Variants in RIMS1 observed in about 807,000 individuals in gnomAD.
RIMS1 encodes the protein regulating synaptic membrane exocytosis protein 1.
In RIMS1, 83 loss-of-function variants were observed where a neutral mutation model predicts 214.1. The observed-to-expected ratio is 0.39, with a 90% CI of 0.32 to 0.47. The LOEUF is 0.47. RIMS1 is among the 20% of genes least tolerant of loss of function. The pLI is 0.99. For missense variants in RIMS1, 2,050 were observed against 2,161.8 expected (o/e 0.95, Z 1.03); for synonymous variants, 793 against 786.8 (o/e 1.01, Z -0.13).
At chr6:71,984,386 T>G (rs1799302110) in intron 2 of RIMS1, among the ~76,000 whole-genome samples, 1 of 151,780 alleles carries the variant, frequency 6.6e-6, no homozygotes, top group Admixed American at 6.6e-5. Context: ...GGAGCTACAC[T>G]GTGACAAATA....
chr6:72,021,805 G>T (rs775029772), intron 2 of RIMS1, among the ~76,000 whole-genome samples: 1 of 152,030 alleles, frequency 6.6e-6, no homozygotes, highest in Non-Finnish European at 1.5e-5. Flanking sequence ...AGTGGCTGCT[G>T]GTATACAGAT....
chr6:72,105,652 T>C (rs985851494), intron 4 of RIMS1, among the ~76,000 whole-genome samples: 1 of 152,154 alleles, frequency 6.6e-6, no homozygotes, highest in Non-Finnish European at 1.5e-5. Flanking sequence ...TTTAATAAAT[T>C]CAACTTAAAA....
chr6:72,168,629 ACT>A (rs2046596365), intron 4 of RIMS1, among the ~76,000 whole-genome samples: 1 of 151,356 alleles, frequency 6.6e-6, no homozygotes, highest in African/African-American at 2.4e-5. Flanking sequence ...TACCAGTCAA[ACT>A]CTGTCATTTT....
rs73750344 is a variant in RIMS1, at chr6:72,076,611, G to T, written c.246-20338G>T. ...GAATATTCAGTCGATAACACTGAGG[G>T]TTAAAGGAGGTAGAGTAATTTATTT... is the stretch of plus-strand genomic sequence containing the variant. On this transcript the variant is annotated intron_variant, in intron 2 of 33. Coordinates refer to ENST00000521978, the MANE Select transcript of RIMS1 (RefSeq NM_014989.7). Among the ~76,000 whole-genome samples, 490 of 152,316 alleles carry T rather than the reference G, an allele frequency of 3.2e-3. 2 individuals carry two copies. The highest frequency in any genetic ancestry group is 0.011 in the African/African-American group (444 of 41,566).
intron 21 of RIMS1, among the ~76,000 whole-genome samples, chr6:72,265,754 A>G (rs889462262): frequency 3.9e-5 from 6 of 152,162 alleles, no homozygotes; most frequent in African/African-American, 1.4e-4. Flanking sequence ...CAATTTAAGC[A>G]TAATCTTTGT....
intron 29 of RIMS1, among the ~76,000 whole-genome samples, chr6:72,358,468 G>T (rs1385263050): frequency 6.6e-6 from 1 of 151,972 alleles, no homozygotes; most frequent in Non-Finnish European, 1.5e-5. Context: ...CAGAATTACT[G>T]GTTAGCAAAG....
rs182423106 is a variant in RIMS1, at chr6:72,322,897, C to T, written c.4130+9225C>T. On this transcript the variant is annotated intron_variant, in intron 28 of 33. Transcript: ENST00000521978. ...AATTTTGCTATAGAATTCCTTCATACGTTGACCAGTGACCTGTCTATGCAC... is the reference window on the plus strand; with the variant it reads ...AATTTTGCTATAGAATTCCTTCATATGTTGACCAGTGACCTGTCTATGCAC... Among the ~76,000 whole-genome samples, 58 of 152,138 alleles carry T rather than the reference C, an allele frequency of 3.8e-4. 1 individual carries two copies. Among genetic ancestry groups the T allele is most frequent in the East Asian group, 2.7e-3 (14 of 5,172 alleles).
At chr6:72,382,340 G>A (rs574035853) in intron 29 of RIMS1, among the ~76,000 whole-genome samples, 2 of 152,088 alleles carry the variant, frequency 1.3e-5, no homozygotes, top group Non-Finnish European at 2.9e-5. Flanking sequence ...AAATACTAAA[G>A]AAAATGATGG....
chr6:71,901,148 A>G (rs955408362), intron 1 of RIMS1, among the ~76,000 whole-genome samples: 1 of 152,098 alleles, frequency 6.6e-6, no homozygotes. Context: ...ATGAGAAACT[A>G]AAAGTCTTAT....
intron 2 of RIMS1, among the ~76,000 whole-genome samples, chr6:72,089,229 T>C (rs1835501653): frequency 6.6e-6 from 1 of 152,158 alleles, no homozygotes; most frequent in African/African-American, 2.4e-5. Flanking sequence ...GTTCCATCAG[T>C]CAAATGGGCT....
chr6:72,289,951 C>T (rs1189033004), intron 24 of RIMS1, among the ~76,000 whole-genome samples: 2 of 151,812 alleles, frequency 1.3e-5, no homozygotes, highest in Non-Finnish European at 2.9e-5. Flanking sequence ...ATTTTTAATT[C>T]ATTAATTGGC....
chr6:71,986,226 G>C (rs892719815), intron 2 of RIMS1, among the ~76,000 whole-genome samples: 4 of 144,988 alleles, frequency 2.8e-5, no homozygotes, highest in East Asian at 2.0e-4. Context: ...CACCCTCTTA[G>C]TAGAGAGATA....
intron 1 of RIMS1, among the ~76,000 whole-genome samples, chr6:71,946,056 G>A (rs994675694): frequency 1.5e-4 from 23 of 148,718 alleles, no homozygotes; most frequent in South Asian, 8.5e-4. Context: ...AAAATAATCC[G>A]ATCTACACTT....
chr6:72,033,624 G>T (rs1818773150), intron 2 of RIMS1, among the ~76,000 whole-genome samples: 1 of 152,084 alleles, frequency 6.6e-6, no homozygotes, highest in Non-Finnish European at 1.5e-5. Flanking sequence ...TGGAATTACA[G>T]GCAGGTGCCA....
intron 1 of RIMS1, among the ~76,000 whole-genome samples, chr6:71,956,725 C>T (rs1791405485): frequency 6.6e-6 from 1 of 152,076 alleles, no homozygotes; most frequent in East Asian, 1.9e-4. Flanking sequence ...ACTATGATAA[C>T]GTGGTCCAAG....
chr6:72,221,046 G>A (rs1458025792), intron 6 of RIMS1, among the ~76,000 whole-genome samples: 2 of 151,962 alleles, frequency 1.3e-5, no homozygotes, highest in African/African-American at 4.8e-5. Context: ...GAAACATGTG[G>A]TTTGTAACAA....
intron 2 of RIMS1, among the ~76,000 whole-genome samples, chr6:72,006,515 C>T (rs1001874925): frequency 1.4e-4 from 22 of 152,066 alleles, no homozygotes; most frequent in African/African-American, 3.9e-4. Flanking sequence ...GAGTGTGATC[C>T]GAGGCAAGGC....
chr6:72,179,925 C>G lies in RIMS1; in HGVS notation c.812+10C>G, dbSNP rs757648777. The stretch of plus-strand genomic sequence containing the variant: ...AACCTCCTAGAGAGAGGTAATAGTT[C>G]TTTCACCCTGTAAGCAAAAGGCAAG... On this transcript the variant is annotated intron_variant, in intron 5 of 33. Transcript: ENST00000521978. 5 of 1,430,114 alleles carry G rather than the reference C, an allele frequency of 3.5e-6. No individual in the cohort carries two copies. Among genetic ancestry groups the G allele is most frequent in the Middle Eastern group, 1.9e-4 (1 of 5,374 alleles). 88.6% of individuals were successfully genotyped at this position (1,430,114 alleles called of 1,614,324 possible).
chr6:71,948,740 G>A (rs540540061), intron 1 of RIMS1, among the ~76,000 whole-genome samples: 256 of 152,270 alleles, frequency 1.7e-3, no homozygotes, highest in Non-Finnish European at 2.9e-3. Context: ...GTTGGGCACT[G>A]GGGATGGGCA....
Sources: gnomAD v4.1 joint callset for allele counts (sites outside exome capture counted in the v4.1 genomes callset) on GRCh38, gnomAD v4.1.1 for gene constraint, MANE v1.5 for transcripts, NCBI Gene and HGNC (gene_info 2026-07-23, HGNC 2026-07-21) for gene names.